ZBTB21: variants seen among roughly 807,000 people sequenced by gnomAD.
ZBTB21 encodes zinc finger and BTB domain-containing protein 21.
ZBTB21 carries 10 observed loss-of-function variants against 39.8 expected under a neutral mutation model. That is an observed-to-expected ratio of 0.25 (90% CI 0.16 to 0.43). The LOEUF (loss-of-function observed/expected upper bound fraction) is 0.43, where lower values mean the gene tolerates loss of function less well. Among genes scored for constraint, ZBTB21 ranks in the 20% least tolerant of loss-of-function variants. The pLI is 1.00. For missense variants in ZBTB21, 1,221 were observed against 1,296.3 expected (o/e 0.94, Z 0.89); for synonymous variants, 551 against 498.8 (o/e 1.10, Z -1.40).
intron 1 of ZBTB21, chr21:42,009,221 G>A (rs896705277): frequency 1.8e-4 from 27 of 152,276 alleles, no homozygotes; most frequent in African/African-American, 6.0e-4. Flanking sequence ...AAAACACCCC[G>A]CCTCCGAACG....
At chr21:41,998,977 CTTCCTTT>C (rs1346110427) in intron 2 of ZBTB21, among the ~76,000 whole-genome samples, 1 of 152,114 alleles carries the variant, frequency 6.6e-6, no homozygotes, top group African/African-American at 2.4e-5. Context: ...GATAATTTCC[CTTCCTTT>C]TTCTTCTCTT....
chr21:41,990,848 G>A lies in ZBTB21; in HGVS notation c.*47C>T, dbSNP rs1225730464. ...TTCTTATGACACATTTCACAATTCA[G>A]GTTGAAATCTGGGGACTGCCTCCCA... is the stretch of plus-strand genomic sequence containing the variant. On this transcript the variant is annotated 3_prime_UTR_variant, in exon 3 of 3. Transcript: ENST00000310826. The A allele has an allele frequency of 7.2e-7, 1 of 1,392,536 alleles. No homozygotes were observed. Among genetic ancestry groups the A allele is most frequent in the East Asian group, 2.6e-5 (1 of 39,092 alleles). The allele number at this position is 1,392,536 out of a possible 1,614,324, so 86.3% of individuals were successfully genotyped here.
rs1394849662 is a variant in ZBTB21, at chr21:41,988,042, T to C, written c.*2853A>G. 1 of 152,126 alleles carries C rather than the reference T, an allele frequency of 6.6e-6. No homozygotes were observed. Among genetic ancestry groups the C allele is most frequent in the Admixed American group, 6.5e-5 (1 of 15,284 alleles). 9.4% of individuals were successfully genotyped at this position (152,126 alleles called of 1,614,324 possible). A position where few individuals can be genotyped will look rare whatever the true frequency, so the allele number is the denominator to read the frequency against. On this transcript the variant is annotated 3_prime_UTR_variant, in exon 3 of 3. Coordinates refer to ENST00000310826, the MANE Select transcript of ZBTB21 (RefSeq NM_001098402.2). ...TGCAAAGAACATCACTGTTGAATTG[T>C]TAGTTGTATATTCTGGTAAAATTAT...
chr21:41,995,795 CCTTT>C (rs2065738436), intron 2 of ZBTB21, among the ~76,000 whole-genome samples: 1 of 152,212 alleles, frequency 6.6e-6, no homozygotes, highest in South Asian at 2.1e-4. Context: ...CCCAGGGCCC[CCTTT>C]CTGTGTGCAG....
Position 41,988,311 on chromosome 21 carries a change from T to C in ZBTB21, c.*2584A>G, listed in dbSNP as rs1329816175. ...AAAGCAGGCATCCTGCATACTTACA[T>C]GGAATAAAGAGCTTTCTACATTTTC... On this transcript the variant is annotated 3_prime_UTR_variant, in exon 3 of 3. Transcript: ENST00000310826. 1 of 152,214 alleles carries C rather than the reference T, an allele frequency of 6.6e-6. No homozygotes were observed. The highest frequency in any genetic ancestry group is 1.5e-5 in the Non-Finnish European group (1 of 68,022). The allele number at this position is 152,214 out of a possible 1,614,324, so 9.4% of individuals were successfully genotyped here.
chr21:42,009,900 G>A (rs1243648633), intron 1 of ZBTB21, among the ~76,000 whole-genome samples: 1 of 152,222 alleles, frequency 6.6e-6, no homozygotes, highest in Non-Finnish European at 1.5e-5. Context: ...CGAGGGGCGC[G>A]CGCCTGGGCC....
Position 41,992,035 on chromosome 21 carries a change from C to T in ZBTB21, c.2061G>A (p.Gln687=), listed in dbSNP as rs2065667447. The T allele has an allele frequency of 3.7e-6, 6 of 1,614,206 alleles. No homozygotes were observed. Among genetic ancestry groups the T allele is most frequent in the Non-Finnish European group, 5.1e-6 (6 of 1,180,040 alleles). ...KAYRFLSQFK[Q]HIKMHPGEKP... is the part of the protein sequence containing the mutation. ...TTTCTCCTGGATGCATTTTTATATG[C>T]TGCTTAAATTGAGAGAGAAAGCGGT... Residue 687 remains glutamine, a synonymous_variant, in exon 3 of 3, where the codon CAG becomes CAA. Transcript: ENST00000310826. The surrounding 1 kb of genome is among the most constrained non-coding windows in gnomAD (Gnocchi z 4.1).
chr21:41,991,729 G>A lies in ZBTB21; in HGVS notation c.2367C>T (p.Ser789=). 1 of 1,614,250 alleles carries A rather than the reference G, an allele frequency of 6.2e-7. No homozygotes were observed. Among genetic ancestry groups the A allele is most frequent in the Non-Finnish European group, 8.5e-7 (1 of 1,180,048 alleles). Reference sequence around the variant, plus strand: ...GGACTTCAACCTGGTGCCGCCAGATGCTGAAAGAGGACTTGAAGGTGCGCA... The same window carrying A: ...GGACTTCAACCTGGTGCCGCCAGATACTGAAAGAGGACTTGAAGGTGCGCA... ...ECMRTFKSSF[S]IWRHQVEVHN... The change falls in exon 3 of 3, where the codon AGC becomes AGT. Residue 789 remains serine, a synonymous_variant. Coordinates refer to ENST00000310826, the MANE Select transcript of ZBTB21 (RefSeq NM_001098402.2). This position sits in a 1 kb window ranked among gnomAD's most constrained non-coding sequence, Gnocchi z 4.9.
intron 2 of ZBTB21, among the ~76,000 whole-genome samples, chr21:42,001,289 C>G (rs1351946546): frequency 6.6e-6 from 1 of 152,202 alleles, no homozygotes; most frequent in Non-Finnish European, 1.5e-5. Flanking sequence ...TTTTTACAAA[C>G]AAATGAGAAA....
rs777614936 is a variant in ZBTB21 at position 41,989,502 on chromosome 21, C to G, written c.*1393G>C. ...ATTTTGTAGTTTCGTTTTTTTAATACATCTAACTCCCACCCCCACAAGTAA... is the reference window on the plus strand; with the variant it reads ...ATTTTGTAGTTTCGTTTTTTTAATAGATCTAACTCCCACCCCCACAAGTAA... On this transcript the variant is annotated 3_prime_UTR_variant, in exon 3 of 3. Transcript: ENST00000310826. 6.6e-6 allele frequency: 1 copy of G among 151,872 alleles called. No individual in the cohort carries two copies. The highest frequency in any genetic ancestry group is 2.1e-4 in the South Asian group (1 of 4,806). 9.4% of individuals were successfully genotyped at this position (151,872 alleles called of 1,614,324 possible).
At chr21:42,000,100 C>A (rs2065799821) in intron 2 of ZBTB21, among the ~76,000 whole-genome samples, 1 of 152,082 alleles carries the variant, frequency 6.6e-6, no homozygotes, top group Non-Finnish European at 1.5e-5. Context: ...AAGGCAGAGT[C>A]ATTAGAATTT....
chr21:41,993,028 G>C lies in ZBTB21; in HGVS notation c.1068C>G (p.Ser356=), dbSNP rs747335826. Residue 356 remains serine (S), a synonymous_variant, in exon 3 of 3, where the codon TCC becomes TCG. Transcript: ENST00000310826. ...ATCCCTGGGAAGATTTCAAATCTATGGAAGGTGAATAGACAGGAACCTGGC... is the reference window on the plus strand; with the variant it reads ...ATCCCTGGGAAGATTTCAAATCTATCGAAGGTGAATAGACAGGAACCTGGC... ...MDSQVPVYSP[S]IDLKSSQGSS... is the part of the protein sequence containing the mutation. The C allele has an allele frequency of 6.2e-7, 1 of 1,614,204 alleles. No individual in the cohort carries two copies. The highest frequency in any genetic ancestry group is 8.5e-7 in the Non-Finnish European group (1 of 1,180,040).
intron 2 of ZBTB21, among the ~76,000 whole-genome samples, chr21:42,001,072 T>C (rs1363916055): frequency 1.3e-5 from 2 of 152,200 alleles, no homozygotes; most frequent in African/African-American, 4.8e-5. Context: ...AGGTAGGTAC[T>C]ATTATTATCC....
rs2065906643 is a variant in ZBTB21, at chr21:42,008,349, A to AC, written c.-79+1902_-79+1903insG. On this transcript the variant is annotated intron_variant, in intron 1 of 2. Transcript: ENST00000310826. The stretch of plus-strand genomic sequence containing the variant: ...GATGAAACCCCGTCTCTACAAAAAA[A>AC]AAAAAAAAAAAAAAAAAAATTAGCT... 2.1e-5 allele frequency among the ~76,000 whole-genome samples: 3 copies of AC among 144,978 alleles called. No individual in the cohort carries two copies. The South Asian group carries it at 6.4e-4, about 31-fold the overall frequency.
Position 41,987,412 on chromosome 21 carries a change from T to C in ZBTB21, c.*3483A>G, listed in dbSNP as rs534388151. ...TATTAAAAATTACAAAAAATTAAAC[T>C]TCTTAAAGTGCTAAAACCACAAAAA... On this transcript the variant is annotated 3_prime_UTR_variant, in exon 3 of 3. Transcript: ENST00000310826. 2.6e-5 allele frequency: 4 copies of C among 152,332 alleles called. No homozygotes were observed. The highest frequency in any genetic ancestry group is 9.6e-5 in the African/African-American group (4 of 41,584). The allele number at this position is 152,332 out of a possible 1,614,324, so 9.4% of individuals were successfully genotyped here. A position where few individuals can be genotyped will look rare whatever the true frequency, so the allele number is the denominator to read the frequency against.
chr21:41,994,806 C>T (rs183114388), intron 2 of ZBTB21, among the ~76,000 whole-genome samples: 73 of 85,460 alleles, frequency 8.5e-4, no homozygotes, highest in Non-Finnish European at 5.0e-4. Flanking sequence ...TGAATTGTAA[C>T]TCCCACAATT....
rs139516786 is a variant in ZBTB21, at chr21:41,991,466, T to C, written c.2630A>G (p.Gln877Arg). Residue 877 changes from glutamine to arginine, a missense_variant, in exon 3 of 3, where the codon CAA becomes CGA. Around this residue, in one of 4 missense-constraint regions of ZBTB21, gnomAD observed 523 missense variants for 542.5 expected, o/e 0.96. Transcript: ENST00000310826. The surrounding 1 kb of genome is among the most constrained non-coding windows in gnomAD (Gnocchi z 4.9). ...DLSLSKQLKI[Q>R]VKEEPVEEAE... ...CTCCTCCACAGGCTCCTCTTTGACTTGGATTTTCAGTTGCTTGGAAAGACT... is the reference window on the plus strand; with the variant it reads ...CTCCTCCACAGGCTCCTCTTTGACTCGGATTTTCAGTTGCTTGGAAAGACT... The C allele has an allele frequency of 1.2e-6, 2 of 1,614,016 alleles. No individual in the cohort carries two copies. Among genetic ancestry groups the C allele is most frequent in the African/African-American group, 2.7e-5 (2 of 74,902 alleles).
rs757094590 is a variant in ZBTB21, at chr21:41,994,056, T to C, written c.40A>G (p.Ile14Val). 8 of 1,613,160 alleles carry C rather than the reference T, an allele frequency of 5.0e-6. 1 individual carries two copies. In the Admixed American group the frequency reaches 5.0e-5, roughly 10 times the overall value. Residue 14 changes from isoleucine to valine, a missense_variant, in exon 3 of 3, where the codon ATT becomes GTT. This residue lies in a region of ZBTB21 where 108 missense variants were observed against 155.0 expected (regional missense o/e 0.70). Transcript: ENST00000310826. ...LLHYINPAHA[I>V]SLLSALNEER... ...TCATTCAGGGCACTTAGGAGAGAAA[T>C]GGCGTGTGCAGGGTTGATGTAATGC...
At chr21:42,001,844 G>C (rs929442601) in intron 2 of ZBTB21, among the ~76,000 whole-genome samples, 1 of 152,184 alleles carries the variant, frequency 6.6e-6, no homozygotes, top group African/African-American at 2.4e-5. Flanking sequence ...CCGAGGCACA[G>C]AGGGTTAAGT....
Sources: allele counts gnomAD v4.1 joint callset (sites outside exome capture counted in the v4.1 genomes callset), GRCh38; gene constraint gnomAD v4.1.1; regional missense constraint gnomAD v4.1.1; non-coding constraint Gnocchi (gnomAD v3.1); transcripts MANE v1.5; gene names NCBI Gene and HGNC (gene_info 2026-07-23, HGNC 2026-07-21).